The following ME3 variants were observed in gnomAD, a reference collection of about 807,000 sequenced individuals.
ME3 encodes the protein NADP-dependent malic enzyme, mitochondrial.
A neutral mutation model predicts 68.9 loss-of-function variants in ME3; 48 were observed. The observed-to-expected ratio is 0.70, with a 90% CI of 0.55 to 0.89. The LOEUF (loss-of-function observed/expected upper bound fraction) is 0.89, where lower values mean the gene tolerates loss of function less well. Among genes scored for constraint, ME3 ranks in the 40% least tolerant of loss-of-function variants. The pLI is 0.00. For synonymous variants in ME3, 320 were observed against 318.8 expected, an observed-to-expected ratio of 1.00 and a Z score of -0.04; for missense variants, 675 against 797.4, an observed-to-expected ratio of 0.85 and a Z score of 1.85.
intron 4 of ME3, among the ~76,000 whole-genome samples, chr11:86,549,025 A>T (rs1389675806): frequency 1.3e-5 from 2 of 152,250 alleles, no homozygotes; most frequent in Non-Finnish European, 2.9e-5. Flanking sequence ...CTCTGGTCCC[A>T]TCCCAGACTT....
intron 8 of ME3, among the ~76,000 whole-genome samples, chr11:86,463,883 C>G (rs535593769): frequency 1.3e-5 from 2 of 152,304 alleles, no homozygotes; most frequent in South Asian, 4.2e-4. Context: ...AATCTCAACT[C>G]TATGCTTAAT....
chr11:86,530,236 C>T (rs1386519101), intron 4 of ME3, among the ~76,000 whole-genome samples: 2 of 152,130 alleles, frequency 1.3e-5, no homozygotes, highest in Admixed American at 6.6e-5. Context: ...CATGAGTGAA[C>T]TCCCATTCAC....
chr11:86,544,701 G>A (rs758527484), intron 4 of ME3, among the ~76,000 whole-genome samples: 18 of 152,038 alleles, frequency 1.2e-4, no homozygotes, highest in Non-Finnish European at 1.6e-4. Context: ...AGGACCAGAC[G>A]GATTCATAGC....
downstream of ME3, among the ~76,000 whole-genome samples, chr11:86,438,025 A>G (rs1459861061): frequency 1.3e-5 from 2 of 152,214 alleles, no homozygotes; most frequent in Non-Finnish European, 1.5e-5. Context: ...GTTGACTAGA[A>G]GTGGTAAAAA....
intron 2 of ME3, among the ~76,000 whole-genome samples, chr11:86,661,471 C>CA (rs1349087126): frequency 6.6e-6 from 1 of 152,210 alleles, no homozygotes; most frequent in East Asian, 1.9e-4. Context: ...TTAGAAATGT[C>CA]ATGATATTAT....
At chr11:86,456,730 T>C (rs7117530) in intron 8 of ME3, among the ~76,000 whole-genome samples, 371 of 152,054 alleles carry the variant, frequency 2.4e-3, no homozygotes, top group African/African-American at 8.5e-3. Context: ...GGAGGGGAGC[T>C]CAGAACAATG....
At chr11:86,472,172 C>T (rs1266931840) in intron 7 of ME3, among the ~76,000 whole-genome samples, 1 of 152,116 alleles carries the variant, frequency 6.6e-6, no homozygotes, top group Non-Finnish European at 1.5e-5. Flanking sequence ...AGTATGGTGC[C>T]TTCCTGGAGC....
chr11:86,639,497 G>A (rs977061933), intron 2 of ME3, among the ~76,000 whole-genome samples: 2 of 140,998 alleles, frequency 1.4e-5, no homozygotes, highest in Non-Finnish European at 1.5e-5. Flanking sequence ...CTAAGCATCC[G>A]TATCCAGGAT....
At chr11:86,651,882 T>A (rs1490968810) in intron 2 of ME3, among the ~76,000 whole-genome samples, 1 of 152,090 alleles carries the variant, frequency 6.6e-6, no homozygotes, top group African/African-American at 2.4e-5. Context: ...GAATACCTAA[T>A]GCAGAGAAGT....
At chr11:86,487,487 G>GTT (rs759580667) in intron 6 of ME3, 47 bp from the exon 7 acceptor site, 1,065 of 1,158,878 alleles carry the variant, frequency 9.2e-4, no homozygotes, top group Non-Finnish European at 1.0e-3. Context: ...CGGTGTTCCT[G>GTT]TTTTTTTTTT....
chr11:86,558,369 TAAA>T (rs952576788), intron 3 of ME3, among the ~76,000 whole-genome samples: 1 of 152,088 alleles, frequency 6.6e-6, no homozygotes, highest in South Asian at 2.1e-4. Flanking sequence ...CAGAGTGAGA[TAAA>T]AAAGAGGGAG....
intron 2 of ME3, among the ~76,000 whole-genome samples, chr11:86,618,749 ACT>A (rs1943151269): frequency 7.0e-6 from 1 of 142,766 alleles, no homozygotes; most frequent in Non-Finnish European, 1.5e-5. Context: ...ACGGAGTCTC[ACT>A]CTGTCACCCA....
At chr11:86,584,056 A>C (rs1218063360) in intron 2 of ME3, among the ~76,000 whole-genome samples, 2 of 152,202 alleles carry the variant, frequency 1.3e-5, no homozygotes, top group Non-Finnish European at 2.9e-5. Context: ...AAGTATTTGG[A>C]AATCATATAT....
chr11:86,613,568 C>A (rs1942747467), intron 2 of ME3, among the ~76,000 whole-genome samples: 1 of 152,130 alleles, frequency 6.6e-6, no homozygotes, highest in Admixed American at 6.5e-5. Context: ...ATTTAGAAAA[C>A]CCCATCATCT....
intron 5 of ME3, among the ~76,000 whole-genome samples, chr11:86,506,911 T>C (rs1457591118): frequency 6.6e-6 from 1 of 152,162 alleles, no homozygotes; most frequent in Non-Finnish European, 1.5e-5. Flanking sequence ...GAAACTTGCT[T>C]CTCTGGGCCT....
intron 4 of ME3, among the ~76,000 whole-genome samples, chr11:86,536,106 G>C (rs1955636817): frequency 6.6e-6 from 1 of 152,144 alleles, no homozygotes; most frequent in Non-Finnish European, 1.5e-5. Context: ...TTCCTGAATT[G>C]TCTATTTCCT....
intron 4 of ME3, among the ~76,000 whole-genome samples, chr11:86,544,324 T>TA (rs1391908663): frequency 6.6e-6 from 1 of 151,296 alleles, no homozygotes; most frequent in East Asian, 1.9e-4. Flanking sequence ...CTGAAGGAGA[T>TA]AGAGACACAA....
At chr11:86,468,286 C>A (rs1297584394) in intron 7 of ME3, among the ~76,000 whole-genome samples, 3 of 152,156 alleles carry the variant, frequency 2.0e-5, no homozygotes, top group Admixed American at 1.3e-4. Flanking sequence ...TATCTTAGCA[C>A]CATCCATTTA....
At chr11:86,449,163 G>T (rs1214579806) in intron 10 of ME3, among the ~76,000 whole-genome samples, 1 of 152,186 alleles carries the variant, frequency 6.6e-6, no homozygotes, top group Non-Finnish European at 1.5e-5. Flanking sequence ...TCCCATCTCT[G>T]CCATAATTTT....
Sources: gnomAD v4.1 joint callset for allele counts (sites outside exome capture counted in the v4.1 genomes callset) on GRCh38, gnomAD v4.1.1 for gene constraint, MANE v1.5 for transcripts, NCBI Gene and HGNC (gene_info 2026-07-23, HGNC 2026-07-21) for gene names.